The following DIP2B variants were observed in gnomAD, a reference collection of about 807,000 sequenced individuals.
The protein encoded by DIP2B is DIP2 acetate--CoA ligase B (putative).
Under a neutral mutation model 198.0 loss-of-function variants are expected in DIP2B, and 76 were observed. That is an observed-to-expected ratio of 0.38 (90% CI 0.32 to 0.46). The LOEUF (loss-of-function observed/expected upper bound fraction) is 0.46, where lower values mean the gene tolerates loss of function less well. Among genes scored for constraint, DIP2B ranks in the 20% least tolerant of loss-of-function variants. The pLI is 0.99. For missense variants in DIP2B, 1,559 were observed against 1,978.4 expected (o/e 0.79, Z 4.02); for synonymous variants, 701 against 739.1 (o/e 0.95, Z 0.84).
intron 1 of DIP2B, among the ~76,000 whole-genome samples, chr12:50,527,930 GTTT>G (rs537283926): frequency 1.4e-5 from 2 of 141,490 alleles, no homozygotes; most frequent in East Asian, 4.1e-4. Flanking sequence ...AATTCCTTCT[GTTT>G]TTTTTTTTTT....
intron 4 of DIP2B, among the ~76,000 whole-genome samples, chr12:50,670,254 A>T (rs1410854253): frequency 6.6e-6 from 1 of 151,446 alleles, no homozygotes; most frequent in African/African-American, 2.4e-5. Context: ...TAAAGAAAGA[A>T]ATACTGATGC....
intron 1 of DIP2B, among the ~76,000 whole-genome samples, chr12:50,614,453 A>G (rs1437777858): frequency 6.6e-6 from 1 of 151,938 alleles, no homozygotes; most frequent in African/African-American, 2.4e-5. Flanking sequence ...ACCACCTCCT[A>G]CGCTTGATGG....
At chr12:50,593,510 A>AC (rs199521115) in intron 1 of DIP2B, among the ~76,000 whole-genome samples, 14 of 147,642 alleles carry the variant, frequency 9.5e-5, no homozygotes, top group Admixed American at 2.0e-4. Flanking sequence ...TCTCAAAACA[A>AC]AAAAAAAAAA....
intron 3 of DIP2B, among the ~76,000 whole-genome samples, chr12:50,648,042 G>T (rs1186376974): frequency 6.6e-6 from 1 of 152,090 alleles, no homozygotes; most frequent in African/African-American, 2.4e-5. Context: ...GGAGGCGGAG[G>T]TTGCAGTGAG....
At position 50,695,825 on chromosome 12, in the gene DIP2B, C is replaced by G. The variant is rs969519018; in HGVS notation, c.1814-23C>G. 2.5e-6 allele frequency: 4 copies of G among 1,613,514 alleles called. No individual in the cohort carries two copies. The Admixed American group carries it at 6.7e-5, about 27-fold the overall frequency. ...GTCCCAAATTTATTGTGTATGTTAA[C>G]TTCATCCTTTTTGAATTTATAGCCA... On this transcript the variant is annotated intron_variant, in intron 15 of 37. Coordinates refer to ENST00000301180, the MANE Select transcript of DIP2B (RefSeq NM_173602.3).
intron 8 of DIP2B, 52 bp from the exon 9 acceptor site, chr12:50,680,620 A>T: frequency 6.6e-7 from 1 of 1,518,772 alleles, no homozygotes; most frequent in Non-Finnish European, 9.1e-7. Context: ...TCATTGAGGT[A>T]GACCTGTTTT....
At chr12:50,626,069 C>T in intron 2 of DIP2B, 22 bp downstream of exon 2, 1 of 1,610,676 alleles carries the variant, frequency 6.2e-7, no homozygotes, top group South Asian at 1.1e-5. Context: ...AAAATGGTTT[C>T]AACTTTTTCA....
chr12:50,571,991 T>C (rs1014517406), intron 1 of DIP2B, among the ~76,000 whole-genome samples: 1 of 152,282 alleles, frequency 6.6e-6, no homozygotes, highest in Non-Finnish European at 1.5e-5. Flanking sequence ...CATTTATGGA[T>C]GCAGCTGTGT....
intron 10 of DIP2B, among the ~76,000 whole-genome samples, chr12:50,685,544 A>T (rs1289751339): frequency 1.3e-5 from 2 of 152,218 alleles, no homozygotes; most frequent in Non-Finnish European, 2.9e-5. Context: ...AAACTAATCT[A>T]AAATAGGATC....
chr12:50,596,820 TA>T (rs1397141554), intron 1 of DIP2B, among the ~76,000 whole-genome samples: 1 of 152,230 alleles, frequency 6.6e-6, no homozygotes, highest in Non-Finnish European at 1.5e-5. Context: ...GATATTTAGA[TA>T]AATCTTATTT....
chr12:50,728,188 C>T (rs1174751610), intron 29 of DIP2B, among the ~76,000 whole-genome samples: 1 of 152,086 alleles, frequency 6.6e-6, no homozygotes, highest in African/African-American at 2.4e-5. Context: ...CGAGACCAGC[C>T]TGAACAACAT....
intron 33 of DIP2B, 37 bp downstream of exon 33, chr12:50,734,233 T>C: frequency 1.2e-6 from 2 of 1,608,000 alleles, no homozygotes; most frequent in Non-Finnish European, 1.7e-6. Flanking sequence ...TCCTACTAGT[T>C]CCTAAGCATA....
At chr12:50,614,540 C>A (rs1937659097) in intron 1 of DIP2B, among the ~76,000 whole-genome samples, 2 of 152,122 alleles carry the variant, frequency 1.3e-5, no homozygotes, top group African/African-American at 4.8e-5. Flanking sequence ...TTTTGACTTG[C>A]CATATGTAAC....
intron 22 of DIP2B, among the ~76,000 whole-genome samples, chr12:50,713,914 TA>T (rs1939664510): frequency 6.6e-6 from 1 of 151,954 alleles, no homozygotes; most frequent in Non-Finnish European, 1.5e-5. Context: ...CCAAAAACCT[TA>T]AAATTAAAAA....
rs887705165 is a variant in DIP2B at position 50,748,043 on chromosome 12, C to CT, written c.*3205dup. ...CATTGCCTGTCTTGGTCACATGAGT[C>CT]TGTCTCCTTACTTTAGTCCCTGGGC... On this transcript the variant is annotated 3_prime_UTR_variant, in exon 38 of 38. Coordinates refer to ENST00000301180, the MANE Select transcript of DIP2B (RefSeq NM_173602.3). 2 of 152,652 alleles carry CT rather than the reference C, an allele frequency of 1.3e-5. No individual in the cohort carries two copies. Among genetic ancestry groups the CT allele is most frequent in the African/African-American group, 4.8e-5 (2 of 41,448 alleles). 9.5% of individuals were successfully genotyped at this position (152,652 alleles called of 1,614,324 possible). A position where few individuals can be genotyped will look rare whatever the true frequency, so the allele number is the denominator to read the frequency against.
intron 30 of DIP2B, among the ~76,000 whole-genome samples, 187 bp from the exon 31 acceptor site, chr12:50,731,182 T>C (rs917504376): frequency 6.6e-6 from 1 of 152,248 alleles, no homozygotes; most frequent in Non-Finnish European, 1.5e-5. Context: ...TACCACAGTC[T>C]GCTTTATTTC....
At chr12:50,605,007 A>G (rs1958969660) in intron 1 of DIP2B, among the ~76,000 whole-genome samples, 1 of 152,166 alleles carries the variant, frequency 6.6e-6, no homozygotes, top group Non-Finnish European at 1.5e-5. Context: ...AAAGACAGAA[A>G]CATGATGAAT....
rs377174584 is a variant in DIP2B, at chr12:50,558,166, G to A, written c.100+52926G>A. 8.5e-4 allele frequency among the ~76,000 whole-genome samples: 130 copies of A among 152,296 alleles called. 2 individuals carry two copies. The South Asian group carries it at 0.025, about 30-fold the overall frequency. ...GAGGATCGCTTGAACCCAGGAATTCGAGACCAGCAACATAGTGAGACCCCG... is the reference window on the plus strand; with the variant it reads ...GAGGATCGCTTGAACCCAGGAATTCAAGACCAGCAACATAGTGAGACCCCG... On this transcript the variant is annotated intron_variant, in intron 1 of 37. Transcript: ENST00000301180.
chr12:50,510,664 A>T (rs11169470), intron 1 of DIP2B, among the ~76,000 whole-genome samples: 47,606 of 134,176 alleles, frequency 0.35, 7,975 homozygotes, highest in Middle Eastern at 0.43. Flanking sequence ...TTTTTTTTTG[A>T]GACGGAGTTT....
Sources: allele counts gnomAD v4.1 joint callset (sites outside exome capture counted in the v4.1 genomes callset), GRCh38; gene constraint gnomAD v4.1.1; transcripts MANE v1.5; gene names NCBI Gene and HGNC (gene_info 2026-07-23, HGNC 2026-07-21).